PALLD: variants seen among roughly 807,000 people sequenced by gnomAD.
The protein encoded by PALLD is palladin.
Under a neutral mutation model 123.5 loss-of-function variants are expected in PALLD, and 61 were observed. The ratio of observed to expected loss-of-function variants is 0.49; its 90% CI spans 0.40 to 0.61. The LOEUF is 0.61. PALLD is among the 20% of genes least tolerant of loss of function. PALLD has a pLI of 0.00. For synonymous variants in PALLD, 465 were observed against 496.4 expected, an observed-to-expected ratio of 0.94 and a Z score of 0.84; for missense variants, 1,273 against 1,377.0, an observed-to-expected ratio of 0.92 and a Z score of 1.20.
chr4:168,866,077 A>G (rs986287519), intron 10 of PALLD, among the ~76,000 whole-genome samples: 3 of 151,720 alleles, frequency 2.0e-5, no homozygotes, highest in Admixed American at 2.0e-4. Flanking sequence ...CCTGGGCAAC[A>G]TAGTAAGACC....
intron 10 of PALLD, among the ~76,000 whole-genome samples, chr4:168,846,871 T>C (rs984782616): frequency 1.3e-5 from 2 of 152,138 alleles, no homozygotes; most frequent in South Asian, 2.1e-4. Flanking sequence ...CTACTAGAAA[T>C]AAGCAATTCG....
At chr4:168,746,677 A>G (rs1287546166) in intron 10 of PALLD, among the ~76,000 whole-genome samples, 1 of 152,162 alleles carries the variant, frequency 6.6e-6, no homozygotes, top group Admixed American at 6.5e-5. Context: ...GAAAGTTATT[A>G]TTTTTAAATG....
chr4:168,700,985 C>G (rs1349809666), intron 8 of PALLD: 2 of 152,084 alleles, frequency 1.3e-5, no homozygotes, highest in Admixed American at 6.5e-5. Flanking sequence ...CAAGACCCTA[C>G]CTTTATGAGT....
chr4:168,761,091 A>G (rs1395590134), intron 10 of PALLD, among the ~76,000 whole-genome samples: 1 of 152,238 alleles, frequency 6.6e-6, no homozygotes, highest in Admixed American at 6.5e-5. Context: ...TGAACCAAAG[A>G]CAAAAATCTC....
At chr4:168,777,427 G>A (rs1185269064) in intron 10 of PALLD, among the ~76,000 whole-genome samples, 1 of 152,142 alleles carries the variant, frequency 6.6e-6, no homozygotes, top group African/African-American at 2.4e-5. Flanking sequence ...ATGTGATGGG[G>A]GAGACGGGGT....
chr4:168,915,065 T>C (rs10084867), intron 16 of PALLD, among the ~76,000 whole-genome samples: 1,797 of 152,324 alleles, frequency 0.012, 49 homozygotes, highest in African/African-American at 0.041. Flanking sequence ...CCTTTCCTTA[T>C]ATCAGTGGGT....
At chr4:168,516,590 T>C (rs540593566) in intron 2 of PALLD, among the ~76,000 whole-genome samples, 3 of 152,210 alleles carry the variant, frequency 2.0e-5, no homozygotes, top group Non-Finnish European at 2.9e-5. Flanking sequence ...TGAAATGATG[T>C]GCCTAGTAAT....
intron 10 of PALLD, among the ~76,000 whole-genome samples, chr4:168,750,979 T>C (rs2150384858): frequency 6.8e-6 from 1 of 147,422 alleles, no homozygotes; most frequent in Admixed American, 6.7e-5. Flanking sequence ...TCACATATTT[T>C]ATATATGTGT....
In PALLD at chr4:168,819,469, C is replaced by G. The variant is rs76348154; in HGVS notation, c.1965-71453C>G. On this transcript the variant is annotated intron_variant, in intron 10 of 21. Coordinates refer to ENST00000505667, the MANE Select transcript of PALLD (RefSeq NM_001166108.2). ...AGCACCCCAGTTTAAAGAGAAGATT[C>G]AGAGCACCTGCATCAGGATCTCCTT... Among the ~76,000 whole-genome samples the G allele has an allele frequency of 5.5e-3, 842 of 152,166 alleles. 2 individuals are homozygous for G. The highest frequency in any genetic ancestry group is 0.019 in the African/African-American group (809 of 41,522).
At chr4:168,802,988 G>A (rs192701998) in intron 10 of PALLD, among the ~76,000 whole-genome samples, 2 of 152,178 alleles carry the variant, frequency 1.3e-5, no homozygotes, top group African/African-American at 2.4e-5. Context: ...CACTGTGCCC[G>A]GGCTACATTA....
intron 17 of PALLD, 137 bp downstream of exon 17, chr4:168,916,164 G>A: frequency 2.3e-6 from 2 of 863,472 alleles, no homozygotes; most frequent in Non-Finnish European, 3.9e-6. Context: ...TATAATCCCA[G>A]CACTTTAGAG....
chr4:168,542,942 C>T (rs933876339), intron 2 of PALLD, among the ~76,000 whole-genome samples: 1 of 151,692 alleles, frequency 6.6e-6, no homozygotes, highest in African/African-American at 2.4e-5. Context: ...ATTCACCTGG[C>T]TCCTCAGACC....
At chr4:168,568,989 A>C (rs1016268537) in intron 2 of PALLD, among the ~76,000 whole-genome samples, 2 of 152,058 alleles carry the variant, frequency 1.3e-5, no homozygotes, top group African/African-American at 4.8e-5. Flanking sequence ...GACTAATTTA[A>C]AAAAAAGAAA....
chr4:168,601,068 T>A (rs1772592175), intron 2 of PALLD, among the ~76,000 whole-genome samples: 1 of 151,586 alleles, frequency 6.6e-6, no homozygotes, highest in Admixed American at 6.6e-5. Flanking sequence ...CAGTGTTTTT[T>A]CTTCTGCAAG....
rs148359857 is a variant in PALLD at position 168,658,993 on chromosome 4, T to C, written c.909-9197T>C. 2.5e-3 allele frequency among the ~76,000 whole-genome samples: 385 copies of C among 152,346 alleles called. 1 individual carries two copies. The highest frequency in any genetic ancestry group is 8.8e-3 in the African/African-American group (367 of 41,582). On this transcript the variant is annotated intron_variant, in intron 2 of 21. Coordinates refer to ENST00000505667, the MANE Select transcript of PALLD (RefSeq NM_001166108.2). Reference sequence around the variant, plus strand: ...TAGACAACGATTAATTTCACTTCGGTCTGCCTATAAGTCCACATGACAGAA... The same window carrying C: ...TAGACAACGATTAATTTCACTTCGGCCTGCCTATAAGTCCACATGACAGAA...
chr4:168,658,077 G>A (rs79726641), intron 2 of PALLD, among the ~76,000 whole-genome samples: 6 of 152,206 alleles, frequency 3.9e-5, no homozygotes, highest in Non-Finnish European at 8.8e-5. Context: ...AAACAACGAC[G>A]AACCCCAGGT....
At chr4:168,646,936 C>T (rs766208860) in intron 2 of PALLD, among the ~76,000 whole-genome samples, 3 of 152,152 alleles carry the variant, frequency 2.0e-5, no homozygotes, top group Non-Finnish European at 2.9e-5. Flanking sequence ...TCTCAATCCT[C>T]AAAACTACCA....
At chr4:168,924,890 T>G in intron 19 of PALLD, 55 bp from the exon 20 acceptor site, 1 of 1,597,346 alleles carries the variant, frequency 6.3e-7, no homozygotes, top group Non-Finnish European at 8.6e-7. Context: ...ATGCTTCATG[T>G]CCAAAGCCAC....
intron 14 of PALLD, among the ~76,000 whole-genome samples, chr4:168,899,992 G>A (rs548093803): frequency 8.5e-5 from 13 of 152,074 alleles, no homozygotes; most frequent in African/African-American, 2.2e-4. Flanking sequence ...TGTAGTACCA[G>A]AATCTTCTCC....
Sources: allele counts gnomAD v4.1 joint callset (sites outside exome capture counted in the v4.1 genomes callset), GRCh38; gene constraint gnomAD v4.1.1; transcripts MANE v1.5; gene names NCBI Gene and HGNC (gene_info 2026-07-23, HGNC 2026-07-21).